Variants in KIF7 observed in about 807,000 individuals in gnomAD.
The protein encoded by KIF7 is kinesin-like protein KIF7.
In KIF7, 104 loss-of-function variants were observed where a neutral mutation model predicts 135.7. That is an observed-to-expected ratio of 0.77 (90% CI 0.65 to 0.90). The LOEUF is 0.90. KIF7 is among the 40% of genes least tolerant of loss of function. The pLI, the probability that KIF7 is intolerant of heterozygous loss-of-function variation, is 0.00. For synonymous variants in KIF7, 883 were observed against 809.4 expected (o/e 1.09, Z -1.54); for missense variants, 2,005 against 1,839.1 (o/e 1.09, Z -1.65).
chr15:89,656,222 A>G (rs1023935712), upstream of KIF7, among the ~76,000 whole-genome samples: 2 of 152,172 alleles, frequency 1.3e-5, no homozygotes, highest in African/African-American at 4.8e-5. Flanking sequence ...AGCCTCCAGT[A>G]ACAGAAACCA....
In KIF7 at chr15:89,648,335, T is replaced by A. The variant is rs1359666117; in HGVS notation, c.1363A>T (p.Ser455Cys). 6.7e-6 allele frequency: 10 copies of A among 1,496,950 alleles called. No individual in the cohort carries two copies. The highest frequency in any genetic ancestry group is 8.0e-6 in the Non-Finnish European group (9 of 1,123,910). 92.7% of individuals were successfully genotyped at this position (1,496,950 alleles called of 1,614,324 possible). The change falls in exon 5 of 19, where the codon AGC becomes TGC. Residue 455 changes from serine (S) to cysteine (C), a missense_variant. By Grantham distance (112) the Ser-to-Cys change is moderately radical (BLOSUM62 -1). Coordinates refer to ENST00000394412, the MANE Select transcript of KIF7 (RefSeq NM_198525.3). Reference sequence around the variant, plus strand: ...CCGCTATCGGGCCCGGAGGCGGAGCTCAGGGCGCTGCGCTCGCCCTCGACG... The same window carrying A: ...CCGCTATCGGGCCCGGAGGCGGAGCACAGGGCGCTGCGCTCGCCCTCGACG... Reference protein sequence around the residue: ...CAVEGERSALSSASGPDSGIE... With the variant: ...CAVEGERSALCSASGPDSGIE...
intron 11 of KIF7, among the ~76,000 whole-genome samples, chr15:89,635,911 T>G (rs1963796843): frequency 6.6e-6 from 1 of 151,798 alleles, no homozygotes; most frequent in Admixed American, 6.6e-5. Flanking sequence ...GGAAAAAATG[T>G]TAAGGGCAGC....
rs1259119357 is a variant in KIF7 at position 89,648,318 on chromosome 15, G to A, written c.1380C>T (p.Pro460=). The A allele has an allele frequency of 2.6e-6, 4 of 1,511,026 alleles. No homozygotes were observed. Among genetic ancestry groups the A allele is most frequent in the Admixed American group, 2.0e-5 (1 of 49,694 alleles). The allele number at this position is 1,511,026 out of a possible 1,614,324, so 93.6% of individuals were successfully genotyped here. The change falls in exon 5 of 19, where the codon CCC becomes CCT. Residue 460 remains proline, a synonymous_variant. Coordinates refer to ENST00000394412, the MANE Select transcript of KIF7 (RefSeq NM_198525.3). ...ERSALSSASG[P]DSGIESASVE... is the part of the protein sequence containing the mutation. The stretch of plus-strand genomic sequence containing the variant: ...CGGAGGCGCTCTCGATGCCGCTATC[G>A]GGCCCGGAGGCGGAGCTCAGGGCGC...
intron 11 of KIF7, among the ~76,000 whole-genome samples, chr15:89,639,319 C>A (rs932701177): frequency 2.9e-4 from 44 of 151,234 alleles, no homozygotes; most frequent in Non-Finnish European, 1.0e-4. Context: ...AGAGCTTCTG[C>A]ACAGCAAAAG....
rs1362468897 is a variant in KIF7, at chr15:89,647,671, C to T, written c.1485G>A (p.Gln495=). The change falls in exon 6 of 19, where the codon CAG becomes CAA. Residue 495 remains glutamine (Q), a synonymous_variant. Coordinates refer to ENST00000394412, the MANE Select transcript of KIF7 (RefSeq NM_198525.3). ...GGTTCTCCTCCTCCAGCCGCGCCAC[C>T]TGGTTCTGCAGGGTCAGCAGCTGCT... ...GAQQLLTLQN[Q]VARLEEENRD... 1 of 1,608,016 alleles carries T rather than the reference C, an allele frequency of 6.2e-7. No homozygotes were observed. The highest frequency in any genetic ancestry group is 1.3e-5 in the African/African-American group (1 of 74,878).
At chr15:89,622,104 G>C (rs961051050) in intron 1 of KIF7, among the ~76,000 whole-genome samples, 2 of 147,008 alleles carry the variant, frequency 1.4e-5, no homozygotes, top group Admixed American at 1.4e-4. Context: ...TCCTGCCTCA[G>C]CCTCCTAAGT....
Position 89,630,451 on chromosome 15 carries a change from G to A in KIF7, c.3154C>T (p.Leu1052=), listed in dbSNP as rs749819007. ...LFQLDEAIEA[L]DAAIEYKNEA... is the part of the protein sequence containing the mutation. ...TTCTTATACTCAATGGCAGCATCCAGGGCCTCGATGGCCTCATCCAACTGG... is the reference window on the plus strand; with the variant it reads ...TTCTTATACTCAATGGCAGCATCCAAGGCCTCGATGGCCTCATCCAACTGG... The change falls in exon 16 of 19, where the codon CTG becomes TTG. Residue 1052 remains leucine (L), a synonymous_variant. Transcript: ENST00000394412. 1.3e-6 allele frequency: 2 copies of A among 1,573,776 alleles called. No individual in the cohort carries two copies. Among genetic ancestry groups the A allele is most frequent in the South Asian group, 1.2e-5 (1 of 86,120 alleles).
chr15:89,656,613 T>A (rs1016222969), upstream of KIF7, among the ~76,000 whole-genome samples: 1 of 152,070 alleles, frequency 6.6e-6, no homozygotes, highest in Admixed American at 6.6e-5. Context: ...CACAACCACA[T>A]CCTCGAAGCT....
intron 9 of KIF7, 58 bp downstream of exon 9, chr15:89,645,278 C>T (rs755779222): frequency 7.7e-5 from 124 of 1,602,610 alleles, no homozygotes; most frequent in Non-Finnish European, 1.0e-4. Flanking sequence ...AGGTGGCTGG[C>T]CCAGAACCGT....
At chr15:89,657,073 T>C (rs1025669301), upstream of KIF7, among the ~76,000 whole-genome samples, 7 of 152,182 alleles carry the variant, frequency 4.6e-5, no homozygotes, top group Admixed American at 2.0e-4. Flanking sequence ...TCTAGGAGGC[T>C]GAGGCAGGCA....
At chr15:89,626,852 T>G, downstream of KIF7, 2 of 1,311,382 alleles carry the variant, frequency 1.5e-6, no homozygotes, top group Middle Eastern at 3.8e-4. Flanking sequence ...GTGCTGATTT[T>G]CTTAAAGTCT....
intron 16 of KIF7, 172 bp downstream of exon 16, chr15:89,630,115 A>T: frequency 4.5e-6 from 3 of 661,856 alleles, no homozygotes; most frequent in Non-Finnish European, 7.8e-6. Context: ...ACTGGGTCTT[A>T]GTTTCACAAG....
In KIF7 at chr15:89,646,907, C is replaced by T. The variant is rs140185951; in HGVS notation, c.1711G>A (p.Ala571Thr). ...PRPHTAPLGG[A>T]HAHVLGMVPP... ...ACCATGCCCAGCACATGGGCGTGGGCACCCCCCAGGGGGGCTGTATGAGGT... is the reference window on the plus strand; with the variant it reads ...ACCATGCCCAGCACATGGGCGTGGGTACCCCCCAGGGGGGCTGTATGAGGT... The change falls in exon 7 of 19, where the codon GCC becomes ACC. Residue 571 changes from alanine (A) to threonine (T), a missense_variant. By Grantham distance (58) the Ala-to-Thr change is moderately conservative (BLOSUM62 0). Coordinates refer to ENST00000394412, the MANE Select transcript of KIF7 (RefSeq NM_198525.3). 1.5e-5 allele frequency: 24 copies of T among 1,613,984 alleles called. No individual in the cohort carries two copies. Among genetic ancestry groups the T allele is most frequent in the Non-Finnish European group, 1.9e-5 (23 of 1,180,024 alleles).
At chr15:89,646,777 A>T in intron 7 of KIF7, 53 bp downstream of exon 7, 1 of 1,558,354 alleles carries the variant, frequency 6.4e-7, no homozygotes, top group Non-Finnish European at 8.8e-7. Flanking sequence ...CCCTGCCCCG[A>T]ACTTGACCAG....
At chr15:89,638,137 T>C (rs1019808261) in intron 11 of KIF7, among the ~76,000 whole-genome samples, 1 of 151,356 alleles carries the variant, frequency 6.6e-6, no homozygotes, top group Non-Finnish European at 1.5e-5. Flanking sequence ...AATTAGATAT[T>C]GATGGGACGT....
At chr15:89,653,272 C>T (rs946886495) in intron 1 of KIF7, among the ~76,000 whole-genome samples, 3 of 152,326 alleles carry the variant, frequency 2.0e-5, no homozygotes, top group South Asian at 2.1e-4. Context: ...CGCACACACA[C>T]AGCACCACAC....
chr15:89,644,870 A>C (rs1308668476), intron 10 of KIF7, 143 bp downstream of exon 10: 3 of 1,052,426 alleles, frequency 2.9e-6, no homozygotes, highest in Non-Finnish European at 4.2e-6. Flanking sequence ...ACACAGCTGG[A>C]AGAGGCTGGG....
At chr15:89,625,157 A>C (rs137956507), downstream of KIF7, 292 of 1,613,848 alleles carry the variant, frequency 1.8e-4, 1 homozygote, top group African/African-American at 3.6e-3. Context: ...TCCTTAAGCA[A>C]ACCTGAACCC....
Position 89,628,504 on chromosome 15 carries a change from C to T in KIF7, c.3947G>A (p.Trp1316Ter), listed in dbSNP as rs2141991025. The change falls in exon 19 of 19, where the codon TGG becomes TAG. Residue 1316 changes from tryptophan to a stop codon, truncating the protein, a stop_gained. Coordinates refer to ENST00000394412, the MANE Select transcript of KIF7 (RefSeq NM_198525.3). LOFTEE classifies it high-confidence loss of function. ...VLPVGEAGLP[W>*]NFGPLSKPRR... ...GGGCTTGGACAAAGGCCCAAAGTTCCAGGGCAGGCCTGCCTCACCCACAGG... is the reference window on the plus strand; with the variant it reads ...GGGCTTGGACAAAGGCCCAAAGTTCTAGGGCAGGCCTGCCTCACCCACAGG... 2 of 1,612,898 alleles carry T rather than the reference C, an allele frequency of 1.2e-6. No individual in the cohort carries two copies. The highest frequency in any genetic ancestry group is 1.6e-4 in the Middle Eastern group (1 of 6,062).
Sources: gnomAD v4.1 joint callset for allele counts (sites outside exome capture counted in the v4.1 genomes callset) on GRCh38, gnomAD v4.1.1 for gene constraint, MANE v1.5 for transcripts, NCBI Gene and HGNC (gene_info 2026-07-23, HGNC 2026-07-21) for gene names.